Variants in ITGA8 observed in about 807,000 individuals in gnomAD.
ITGA8 encodes the protein integrin alpha-8.
In ITGA8, 91 loss-of-function variants were observed where a neutral mutation model predicts 142.3. The ratio of observed to expected loss-of-function variants is 0.64; its 90% confidence interval spans 0.54 to 0.76. The LOEUF (loss-of-function observed/expected upper bound fraction) is 0.76, where lower values mean the gene tolerates loss of function less well. Ranked by LOEUF, ITGA8 falls within the 30% of genes least tolerant of loss-of-function variation. The pLI is 0.00. For synonymous variants in ITGA8, 505 were observed against 485.2 expected (o/e 1.04, Z -0.54); for missense variants, 1,406 against 1,327.7 (o/e 1.06, Z -0.92).
rs1441470115 is a variant in ITGA8 at position 15,600,470 on chromosome 10, G to A, written c.2119-3171C>T. Among the ~76,000 whole-genome samples the A allele has an allele frequency of 2.0e-5, 3 of 152,320 alleles. No homozygotes were observed. In the East Asian group the frequency reaches 5.8e-4, roughly 29 times the overall value. On this transcript the variant is annotated intron_variant, in intron 20 of 29. Coordinates refer to ENST00000378076, the MANE Select transcript of ITGA8 (RefSeq NM_003638.3). ...GGGAGCAGAGTTAGTGTGTTGGGAGGAGAAACGGCTGGAACAAGCTCTCCG... is the reference window on the plus strand; with the variant it reads ...GGGAGCAGAGTTAGTGTGTTGGGAGAAGAAACGGCTGGAACAAGCTCTCCG...
intron 28 of ITGA8, among the ~76,000 whole-genome samples, chr10:15,528,306 G>A (rs1353793006): frequency 1.3e-5 from 2 of 152,078 alleles, no homozygotes; most frequent in Non-Finnish European, 2.9e-5. Context: ...ATGTCTGCCA[G>A]CTCCACTCAG....
At chr10:15,534,338 C>A (rs1300649686) in intron 27 of ITGA8, among the ~76,000 whole-genome samples, 8 of 152,190 alleles carry the variant, frequency 5.3e-5, no homozygotes, top group Non-Finnish European at 8.8e-5. Flanking sequence ...GGAAGGTTCA[C>A]ATTGTTGTTT....
Position 15,679,440 on chromosome 10 carries a change from G to A in ITGA8, c.569-657C>T, listed in dbSNP as rs201157696. On this transcript the variant is annotated intron_variant, in intron 4 of 29. Coordinates refer to ENST00000378076, the MANE Select transcript of ITGA8 (RefSeq NM_003638.3). ...CCACTAAAACCACAAAAATTAGCTG[G>A]GCATGGTGGTGCATGCCTGCAGGCC... 3.9e-5 allele frequency among the ~76,000 whole-genome samples: 6 copies of A among 152,208 alleles called. No individual in the cohort carries two copies. In the East Asian group the frequency reaches 1.2e-3, roughly 29 times the overall value.
At chr10:15,569,526 C>A (rs115331975) in intron 25 of ITGA8, among the ~76,000 whole-genome samples, 1 of 152,152 alleles carries the variant, frequency 6.6e-6, no homozygotes, top group Non-Finnish European at 1.5e-5. Context: ...TTTCTGCTGC[C>A]TCCCTGTTCC....
chr10:15,646,895 G>T lies in ITGA8; in HGVS notation c.1158C>A (p.Phe386Leu). Residue 386 changes from phenylalanine (F) to leucine (L), a missense_variant, in exon 12 of 30, where the codon TTC becomes TTA. Transcript: ENST00000378076. ...ILTGTETFGR[F>L]GSAMAHLGDL... ...CTCCTAAGTGTGCCATAGCACTACCGAATCTCCCAAACGTCTCGGTGCCAG... is the reference window on the plus strand; with the variant it reads ...CTCCTAAGTGTGCCATAGCACTACCTAATCTCCCAAACGTCTCGGTGCCAG... 1 of 1,613,962 alleles carries T rather than the reference G, an allele frequency of 6.2e-7. No homozygotes were observed. Among genetic ancestry groups the T allele is most frequent in the Non-Finnish European group, 8.5e-7 (1 of 1,179,990 alleles).
At chr10:15,539,443 C>T (rs149017148) in intron 27 of ITGA8, among the ~76,000 whole-genome samples, 1 of 152,232 alleles carries the variant, frequency 6.6e-6, no homozygotes, top group Non-Finnish European at 1.5e-5. Context: ...ACTACTCAGA[C>T]ATTTGACACT....
At chr10:15,677,711 G>A (rs2131695132) in intron 5 of ITGA8, 74 bp from the exon 6 acceptor site, 2 of 1,438,992 alleles carry the variant, frequency 1.4e-6, no homozygotes, top group Non-Finnish European at 1.9e-6. Flanking sequence ...GTGATAAATT[G>A]TTGTTAATAA....
At chr10:15,711,893 T>G (rs1835370627) in intron 2 of ITGA8, among the ~76,000 whole-genome samples, 1 of 152,222 alleles carries the variant, frequency 6.6e-6, no homozygotes, top group South Asian at 2.1e-4. Flanking sequence ...ACTCTGGCCT[T>G]TCAGCAGGGT....
chr10:15,701,006 G>T (rs1161300961), intron 2 of ITGA8, among the ~76,000 whole-genome samples: 2 of 152,152 alleles, frequency 1.3e-5, no homozygotes, highest in African/African-American at 4.8e-5. Flanking sequence ...CAGAGATGTT[G>T]TCTGCTTCAC....
At chr10:15,559,124 A>G (rs1833932993) in intron 25 of ITGA8, among the ~76,000 whole-genome samples, 1 of 152,224 alleles carries the variant, frequency 6.6e-6, no homozygotes, top group Non-Finnish European at 1.5e-5. Flanking sequence ...AGTGCTCAGT[A>G]TGTCATGAAA....
chr10:15,538,226 T>C (rs1344248333), intron 27 of ITGA8, among the ~76,000 whole-genome samples: 1 of 152,028 alleles, frequency 6.6e-6, no homozygotes, highest in Non-Finnish European at 1.5e-5. Context: ...AAAAGTTCTA[T>C]AGTTGGCCAG....
intron 13 of ITGA8, among the ~76,000 whole-genome samples, chr10:15,623,837 C>T (rs574189599): frequency 6.6e-6 from 1 of 152,212 alleles, no homozygotes; most frequent in South Asian, 2.1e-4. Context: ...CCCATCATGC[C>T]CAAATGTCAC....
intron 13 of ITGA8, among the ~76,000 whole-genome samples, chr10:15,638,144 T>C (rs888385833): frequency 1.3e-5 from 2 of 152,216 alleles, no homozygotes; most frequent in Non-Finnish European, 2.9e-5. Flanking sequence ...GTCCTGATTA[T>C]ATACAAAACA....
chr10:15,686,107 A>C (rs1011222744), intron 3 of ITGA8, among the ~76,000 whole-genome samples: 1 of 152,254 alleles, frequency 6.6e-6, no homozygotes, highest in Non-Finnish European at 1.5e-5. Flanking sequence ...GTATGGTATC[A>C]CACTTAATTC....
chr10:15,552,038 A>C (rs189529965), intron 26 of ITGA8, among the ~76,000 whole-genome samples: 22 of 152,312 alleles, frequency 1.4e-4, no homozygotes, highest in Middle Eastern at 3.4e-3. Flanking sequence ...AATACATACA[A>C]TTTTCAAAAA....
In ITGA8 at chr10:15,572,267, T is replaced by A; in HGVS notation, c.2581A>T (p.Thr861Ser). 1 of 1,613,900 alleles carries A rather than the reference T, an allele frequency of 6.2e-7. No individual in the cohort carries two copies. Among genetic ancestry groups the A allele is most frequent in the South Asian group, 1.1e-5 (1 of 91,062 alleles). ...EFLLYIFHIQTLGPLQCQPNP... is the reference protein window; with the variant it reads ...EFLLYIFHIQSLGPLQCQPNP... ...GGTTGGCACTGCAGAGGTCCCAGAG[T>A]TTGAATATGGAAAATATAGAGAAGA... is the stretch of plus-strand genomic sequence containing the variant. Residue 861 changes from threonine to serine, a missense_variant, in exon 25 of 30, where the codon ACT becomes TCT. Transcript: ENST00000378076.
chr10:15,716,457 G>A (rs867436570), intron 2 of ITGA8, among the ~76,000 whole-genome samples: 1 of 152,090 alleles, frequency 6.6e-6, no homozygotes, highest in Admixed American at 6.5e-5. Context: ...ACATTTTCTG[G>A]ACATTATTTT....
At chr10:15,629,650 G>A (rs1833649710) in intron 13 of ITGA8, among the ~76,000 whole-genome samples, 1 of 152,182 alleles carries the variant, frequency 6.6e-6, no homozygotes, top group South Asian at 2.1e-4. Flanking sequence ...TCAGAGGCTG[G>A]GCATGGTGGC....
Position 15,644,111 on chromosome 10 carries a change from C to T in ITGA8, c.1318G>A (p.Val440Met), listed in dbSNP as rs1833920697. ...NTKPSQVLQGVWASHAVPSGF... is the reference protein window; with the variant it reads ...NTKPSQVLQGMWASHAVPSGF... The stretch of plus-strand genomic sequence containing the variant: ...GAAGGGACAGCATGTGAGGCCCACA[C>T]TCCTTGCAGAACTTGGGAAGGCTTG... Residue 440 changes from valine (V) to methionine (M), a missense_variant, in exon 13 of 30, where the codon GTG becomes ATG. Physicochemically the swap from Val to Met is conservative, Grantham distance 21 (BLOSUM62 1). Coordinates refer to ENST00000378076, the MANE Select transcript of ITGA8 (RefSeq NM_003638.3). The T allele has an allele frequency of 1.2e-6, 2 of 1,614,172 alleles. No individual in the cohort carries two copies. The highest frequency in any genetic ancestry group is 1.7e-6 in the Non-Finnish European group (2 of 1,180,022).
Sources: gnomAD v4.1 joint callset for allele counts (sites outside exome capture counted in the v4.1 genomes callset) on GRCh38, gnomAD v4.1.1 for gene constraint, MANE v1.5 for transcripts, NCBI Gene and HGNC (gene_info 2026-07-23, HGNC 2026-07-21) for gene names.